DOCK8: variants seen among roughly 807,000 people sequenced by gnomAD.
DOCK8 encodes dedicator of cytokinesis protein 8.
A neutral mutation model predicts 245.6 loss-of-function variants in DOCK8; 141 were observed. The ratio of observed to expected loss-of-function variants is 0.57; its 90% CI spans 0.50 to 0.66. DOCK8 has a LOEUF of 0.66. Among genes scored for constraint, DOCK8 ranks in the 30% least tolerant of loss-of-function variants. The probability of loss-of-function intolerance (pLI) is 0.00; values close to 1 mark genes in which losing one functional copy is unlikely to be tolerated. For missense variants in DOCK8, 2,965 were observed against 2,603.4 expected (o/e 1.14, Z -3.02); for synonymous variants, 1,168 against 970.2 (o/e 1.20, Z -3.79).
chr9:273,878 G>C (rs891264408), intron 2 of DOCK8, among the ~76,000 whole-genome samples: 2 of 151,978 alleles, frequency 1.3e-5, no homozygotes, highest in Admixed American at 1.3e-4. Flanking sequence ...GGCTAATTTT[G>C]TATTTTGAGT....
chr9:425,526 G>C (rs1371816241), intron 33 of DOCK8, among the ~76,000 whole-genome samples: 2 of 144,192 alleles, frequency 1.4e-5, no homozygotes, highest in African/African-American at 5.2e-5. Context: ...GCGACAGAGG[G>C]AGACTCCGTC....
rs2050835684 is a variant in DOCK8 at position 327,903 on chromosome 9, G to A, written c.895-119G>A. The A allele has an allele frequency of 1.8e-5, 17 of 925,592 alleles. 1 individual carries two copies. The South Asian group carries it at 1.9e-4, about 10-fold the overall frequency. 57.3% of individuals were successfully genotyped at this position (925,592 alleles called of 1,614,324 possible). ...AGCCACTTTCCTAAACCACATCTGT[G>A]ATTATTACACTTACTCCTTCAGCAA... On this transcript the variant is annotated intron_variant, in intron 8 of 47. Transcript: ENST00000432829.
chr9:307,503 C>A (rs1308903054), intron 5 of DOCK8, among the ~76,000 whole-genome samples: 1 of 151,854 alleles, frequency 6.6e-6, no homozygotes. Context: ...GGATTACAGA[C>A]ATGCGCCACC....
intron 5 of DOCK8, among the ~76,000 whole-genome samples, chr9:309,216 A>G (rs949067374): frequency 1.3e-5 from 2 of 152,228 alleles, no homozygotes; most frequent in Non-Finnish European, 2.9e-5. Context: ...ATCCTTTTAA[A>G]TAAATTTGGG....
intron 14 of DOCK8, among the ~76,000 whole-genome samples, chr9:364,928 T>C (rs558861725): frequency 5.5e-4 from 83 of 152,266 alleles, no homozygotes; most frequent in African/African-American, 1.9e-3. Context: ...TCAGAAGATA[T>C]GACACATGAG....
chr9:312,590 T>C, intron 6 of DOCK8: 1 of 367,326 alleles, frequency 2.7e-6, no homozygotes, highest in Non-Finnish European at 5.3e-6. Context: ...TTTAATGGTC[T>C]CTATGAGCAA....
chr9:311,253 C>G (rs1451641345), intron 5 of DOCK8, among the ~76,000 whole-genome samples: 2 of 150,544 alleles, frequency 1.3e-5, no homozygotes, highest in Non-Finnish European at 3.0e-5. Flanking sequence ...CCATTGCACT[C>G]AAGCCTAGGT....
intron 14 of DOCK8, among the ~76,000 whole-genome samples, chr9:358,733 C>A (rs1563961207): frequency 6.7e-6 from 1 of 149,094 alleles, no homozygotes; most frequent in South Asian, 2.1e-4. Flanking sequence ...CCTGTAGTCC[C>A]AGCTACTTGG....
In DOCK8 at chr9:400,896, CCCCCACTACCAACAGCTCCTT is replaced by C. The variant is rs1564016213; in HGVS notation, c.3234+1639_3234+1659del. Among the ~76,000 whole-genome samples the C allele has an allele frequency of 6.3e-5, 7 of 110,306 alleles. 2 individuals are homozygous for C. The highest frequency in any genetic ancestry group is 4.1e-4 in the East Asian group (1 of 2,412). 72.4% of individuals were successfully genotyped at this position (110,306 alleles called of 152,430 possible). Reference sequence around the variant, plus strand: ...ACCACCACCTCCACCACCACCACCTCCCCCACTACCAACAGCTCCTTCACCATCACCACAACATCCACCACC... The same window carrying C: ...ACCACCACCTCCACCACCACCACCTCCACCATCACCACAACATCCACCACC... On this transcript the variant is annotated intron_variant, in intron 26 of 47. Transcript: ENST00000432829.
chr9:261,778 T>C (rs1437072777), intron 1 of DOCK8, among the ~76,000 whole-genome samples: 1 of 152,200 alleles, frequency 6.6e-6, no homozygotes. Flanking sequence ...CTATATTACT[T>C]GGTACATACA....
intron 4 of DOCK8, among the ~76,000 whole-genome samples, chr9:299,844 A>G (rs993411852): frequency 6.6e-6 from 1 of 151,334 alleles, no homozygotes; most frequent in Non-Finnish European, 1.5e-5. Context: ...ACACAGTGAA[A>G]CCCCGTCTCT....
chr9:228,300 TG>T (rs1271864418), intron 1 of DOCK8, among the ~76,000 whole-genome samples: 3 of 152,202 alleles, frequency 2.0e-5, no homozygotes, highest in Non-Finnish European at 4.4e-5. Flanking sequence ...CAAGAGACCC[TG>T]TGCTGTCTAA....
At chr9:247,982 T>TAAA (rs61282524) in intron 1 of DOCK8, among the ~76,000 whole-genome samples, 2 of 145,078 alleles carry the variant, frequency 1.4e-5, no homozygotes, top group African/African-American at 5.1e-5. Context: ...TTCTCTAAGT[T>TAAA]AAAAAAAAAA....
chr9:423,027 A>G (rs995322566), intron 33 of DOCK8, among the ~76,000 whole-genome samples: 28 of 151,290 alleles, frequency 1.9e-4, no homozygotes, highest in African/African-American at 6.5e-4. Context: ...CTGATGACAT[A>G]TAGTCAATGT....
Position 446,599 on chromosome 9 carries a change from AG to A in DOCK8, c.5812del (p.Glu1938ArgfsTer5), listed in dbSNP as rs758089812. On this transcript the variant is annotated frameshift_variant, in exon 44 of 48. Transcript: ENST00000432829. LOFTEE classifies it high-confidence loss of function. ...AAGACCAGGATCAGCGTCATCCAGA[AG>A]GAGGAGGTAATGCACCCAAGGGATT... Reference protein sequence around the residue: ...YIKTRISVIQKEEFVLTPIEV... With the variant: ...YIKTRISVIQXEEFVLTPIEV... 3 of 1,614,126 alleles carry A rather than the reference AG, an allele frequency of 1.9e-6. No individual in the cohort carries two copies. The highest frequency in any genetic ancestry group is 2.5e-6 in the Non-Finnish European group (3 of 1,179,984).
intron 21 of DOCK8, 85 bp downstream of exon 21, chr9:380,020 C>T: frequency 6.7e-7 from 1 of 1,491,146 alleles, no homozygotes; most frequent in South Asian, 1.2e-5. Context: ...ATAAAACATC[C>T]TATGCTGGGT....
At chr9:215,187 T>G (rs1003771994) in intron 1 of DOCK8, 158 bp downstream of exon 1, 1 of 1,512,924 alleles carries the variant, frequency 6.6e-7, no homozygotes, top group Non-Finnish European at 8.8e-7. Context: ...GCTGCGGCGG[T>G]GGAGCCGCTG....
Position 334,217 on chromosome 9 carries a change from T to G in DOCK8, c.1126-8T>G, listed in dbSNP as rs1432254124. On this transcript the variant is annotated splice_polypyrimidine_tract_variant and splice_region_variant and intron_variant, in intron 10 of 47. Coordinates refer to ENST00000432829, the MANE Select transcript of DOCK8 (RefSeq NM_203447.4). ...TGTTTCAGCTTGTTTCTTTCCATTT[T>G]CCTCCAGAGTAAAGAAAAGATTGAA... The G allele has an allele frequency of 3.1e-6, 5 of 1,614,154 alleles. No homozygotes were observed. The highest frequency in any genetic ancestry group is 4.2e-6 in the Non-Finnish European group (5 of 1,180,014).
chr9:401,949 GTCCCAGGACCCAC>G (rs2055131565), intron 26 of DOCK8, among the ~76,000 whole-genome samples: 1 of 152,168 alleles, frequency 6.6e-6, no homozygotes, highest in Admixed American at 6.5e-5. Flanking sequence ...CGGATCTTCT[GTCCCAGGACCCAC>G]CAGAATAGAA....
Sources: gnomAD v4.1 joint callset for allele counts (sites outside exome capture counted in the v4.1 genomes callset) on GRCh38, gnomAD v4.1.1 for gene constraint, MANE v1.5 for transcripts, NCBI Gene and HGNC (gene_info 2026-07-23, HGNC 2026-07-21) for gene names.